AHCYL2: variants seen among roughly 807,000 people sequenced by gnomAD.
AHCYL2 encodes S-adenosylhomocysteine hydrolase-like protein 2.
AHCYL2 carries 28 observed loss-of-function variants against 81.4 expected under a neutral mutation model. That is an observed-to-expected ratio of 0.34 (90% CI 0.25 to 0.47). The LOEUF (loss-of-function observed/expected upper bound fraction) is 0.47. Among genes scored for constraint, AHCYL2 ranks in the 20% least tolerant of loss-of-function variants. The pLI is 1.00. For missense variants in AHCYL2, 551 were observed against 785.1 expected, an observed-to-expected ratio of 0.70 and a Z score of 3.56; for synonymous variants, 272 against 290.2, an observed-to-expected ratio of 0.94 and a Z score of 0.64.
rs1797288607 is a variant in AHCYL2 at position 129,424,891 on chromosome 7, T to C, written c.1578T>C (p.Leu526=). 6.2e-7 allele frequency: 1 copy of C among 1,613,110 alleles called. No individual in the cohort carries two copies. Among genetic ancestry groups the C allele is most frequent in the Non-Finnish European group, 8.5e-7 (1 of 1,179,996 alleles). ...VLLAEGRLLN[L]SCSTVPTFVL... is the part of the protein sequence containing the mutation. The stretch of plus-strand genomic sequence containing the variant: ...ATCACTAGGGCCGCCTGCTGAACCT[T>C]AGCTGCTCCACAGTGCCTACATTTG... Residue 526 remains leucine, a synonymous_variant, in exon 14 of 17, where the codon CTT becomes CTC. Transcript: ENST00000325006.
At chr7:129,231,678 T>G (rs957075496) in intron 1 of AHCYL2, among the ~76,000 whole-genome samples, 7 of 152,194 alleles carry the variant, frequency 4.6e-5, no homozygotes, top group Admixed American at 4.6e-4. Context: ...TTAGTAAACT[T>G]GATCAGATTT....
At chr7:129,275,095 G>C (rs1796154761) in intron 1 of AHCYL2, among the ~76,000 whole-genome samples, 1 of 152,090 alleles carries the variant, frequency 6.6e-6, no homozygotes, top group Non-Finnish European at 1.5e-5. Context: ...TAGATAACTG[G>C]AACATGGCCA....
chr7:129,229,318 C>T (rs1794337706), intron 1 of AHCYL2, among the ~76,000 whole-genome samples: 3 of 152,144 alleles, frequency 2.0e-5, no homozygotes, highest in South Asian at 4.1e-4. Flanking sequence ...CTGCCTGCCT[C>T]GGCCTCCCAA....
At chr7:129,405,022 C>T in intron 7 of AHCYL2, 75 bp from the exon 8 acceptor site, 1 of 900,528 alleles carries the variant, frequency 1.1e-6, no homozygotes, top group Non-Finnish European at 1.7e-6. Context: ...CAACGTATTT[C>T]TGGGGCCTCC....
intron 1 of AHCYL2, among the ~76,000 whole-genome samples, chr7:129,257,825 A>G (rs1004498100): frequency 6.6e-6 from 1 of 152,238 alleles, no homozygotes; most frequent in African/African-American, 2.4e-5. Flanking sequence ...TCTTAGAGAC[A>G]TAGTGCTGAG....
chr7:129,412,630 A>G (rs1263518371), intron 11 of AHCYL2, among the ~76,000 whole-genome samples: 3 of 152,036 alleles, frequency 2.0e-5, no homozygotes, highest in African/African-American at 4.8e-5. Context: ...CAATCCATCA[A>G]CAATACATGT....
intron 5 of AHCYL2, 35 bp from the exon 6 acceptor site, chr7:129,400,255 C>G: frequency 6.2e-6 from 10 of 1,601,276 alleles, no homozygotes; most frequent in Non-Finnish European, 7.7e-6. Flanking sequence ...CTTTTTTGGT[C>G]TTTAATGGTT....
At chr7:129,258,599 A>T (rs974959549) in intron 1 of AHCYL2, among the ~76,000 whole-genome samples, 14 of 150,664 alleles carry the variant, frequency 9.3e-5, no homozygotes, top group African/African-American at 3.4e-4. Flanking sequence ...CTTATAGCAG[A>T]TAAAAATACT....
At chr7:129,296,817 C>T (rs2150756924) in intron 1 of AHCYL2, among the ~76,000 whole-genome samples, 1 of 152,236 alleles carries the variant, frequency 6.6e-6, no homozygotes, top group South Asian at 2.1e-4. Flanking sequence ...ATGCTTATAC[C>T]TATTTTTCAC....
intron 12 of AHCYL2, among the ~76,000 whole-genome samples, chr7:129,421,016 T>C (rs1350280466): frequency 6.6e-6 from 1 of 152,140 alleles, no homozygotes; most frequent in Non-Finnish European, 1.5e-5. Context: ...TTTGGGAAGC[T>C]GAGGCAGGCA....
intron 7 of AHCYL2, among the ~76,000 whole-genome samples, chr7:129,404,303 G>A (rs1796193293): frequency 1.3e-5 from 2 of 151,784 alleles, no homozygotes; most frequent in Admixed American, 1.3e-4. Flanking sequence ...GAGTAAAATT[G>A]GAATTATTTC....
At chr7:129,370,266 G>A (rs1794317764) in intron 1 of AHCYL2, among the ~76,000 whole-genome samples, 1 of 152,174 alleles carries the variant, frequency 6.6e-6, no homozygotes, top group Non-Finnish European at 1.5e-5. Context: ...TAATGTGAAT[G>A]GGAAGACTGC....
chr7:129,359,737 G>A (rs1445900970), intron 1 of AHCYL2, among the ~76,000 whole-genome samples: 1 of 152,186 alleles, frequency 6.6e-6, no homozygotes, highest in Non-Finnish European at 1.5e-5. Context: ...TGCTAACTAT[G>A]CAGCAAACTG....
In AHCYL2 at chr7:129,368,374, G is replaced by A; in HGVS notation, c.364-11264G>A. The A allele has an allele frequency of 6.5e-7, 1 of 1,535,624 alleles. No homozygotes were observed. Among genetic ancestry groups the A allele is most frequent in the Non-Finnish European group, 8.8e-7 (1 of 1,141,656 alleles). ...GTGAAAAGGGATGCAGCTTCTGCTAGCCACTGTGAACTTCTGAATCTCACT... is the reference window on the plus strand; with the variant it reads ...GTGAAAAGGGATGCAGCTTCTGCTAACCACTGTGAACTTCTGAATCTCACT... On this transcript the variant is annotated intron_variant, in intron 1 of 16. Coordinates refer to ENST00000325006, the MANE Select transcript of AHCYL2 (RefSeq NM_015328.4). The surrounding 1 kb of genome is among the most constrained non-coding windows in gnomAD (Gnocchi z 4.4).
intron 12 of AHCYL2, among the ~76,000 whole-genome samples, chr7:129,417,031 G>A (rs897208066): frequency 4.0e-5 from 6 of 151,824 alleles, no homozygotes; most frequent in Admixed American, 6.6e-5. Context: ...GGGAGGCTGA[G>A]GCAGAATCAC....
intron 1 of AHCYL2, among the ~76,000 whole-genome samples, chr7:129,371,680 T>A (rs182844342): frequency 6.6e-6 from 1 of 152,368 alleles, no homozygotes; most frequent in African/African-American, 2.4e-5. Flanking sequence ...TCGACTGACA[T>A]GCATGGAGAT....
At chr7:129,422,344 A>G (rs2150966818) in intron 12 of AHCYL2, among the ~76,000 whole-genome samples, 1 of 152,240 alleles carries the variant, frequency 6.6e-6, no homozygotes, top group Middle Eastern at 3.4e-3. Flanking sequence ...CCAGCATGCT[A>G]TGTTTAGGAC....
At chr7:129,301,096 G>A (rs897187330) in intron 1 of AHCYL2, among the ~76,000 whole-genome samples, 2 of 152,152 alleles carry the variant, frequency 1.3e-5, no homozygotes, top group African/African-American at 4.8e-5. Flanking sequence ...TAGGATTATA[G>A]GTGTGAGCCA....
chr7:129,318,910 C>T (rs936770227), intron 1 of AHCYL2, among the ~76,000 whole-genome samples: 4 of 150,882 alleles, frequency 2.7e-5, no homozygotes, highest in Admixed American at 6.6e-5. Flanking sequence ...ACAGTAAATT[C>T]GACTATATAA....
Sources: gnomAD v4.1 joint callset for allele counts (sites outside exome capture counted in the v4.1 genomes callset) on GRCh38, gnomAD v4.1.1 for gene constraint, Gnocchi (gnomAD v3.1) non-coding constraint, MANE v1.5 for transcripts, NCBI Gene and HGNC (gene_info 2026-07-23, HGNC 2026-07-21) for gene names.